ADAMTSL2: variants seen among roughly 807,000 people sequenced by gnomAD.
ADAMTSL2 encodes the protein ADAMTS like 2, also known as ADAMTS-like protein 2.
Under a neutral mutation model 117.0 loss-of-function variants are expected in ADAMTSL2, and 55 were observed. That is an observed-to-expected ratio of 0.47 (90% CI 0.38 to 0.59). The LOEUF (loss-of-function observed/expected upper bound fraction) is 0.59, where lower values mean the gene tolerates loss of function less well. Among genes scored for constraint, ADAMTSL2 ranks in the 20% least tolerant of loss-of-function variants. The pLI, the probability that ADAMTSL2 is intolerant of heterozygous loss-of-function variation, is 0.00. For synonymous variants in ADAMTSL2, 572 were observed against 566.4 expected (o/e 1.01, Z -0.14); for missense variants, 1,182 against 1,354.5 (o/e 0.87, Z 2.00).
intron 6 of ADAMTSL2, 54 bp from the exon 7 acceptor site, chr9:133,540,824 C>A: frequency 6.2e-7 from 1 of 1,613,120 alleles, no homozygotes; most frequent in East Asian, 2.2e-5. Flanking sequence ...GTGGCGGCCC[C>A]GGGGCCTGGC....
intron 13 of ADAMTSL2, among the ~76,000 whole-genome samples, chr9:133,567,676 T>C (rs1340917990): frequency 6.6e-6 from 1 of 152,242 alleles, no homozygotes; most frequent in Non-Finnish European, 1.5e-5. Context: ...GGCCTCCCAC[T>C]TCCTGCACGT....
At chr9:133,567,172 G>A in intron 13 of ADAMTSL2, 110 bp downstream of exon 13, 1 of 1,371,692 alleles carries the variant, frequency 7.3e-7, no homozygotes, top group African/African-American at 1.4e-5. Flanking sequence ...TTCGTGTGCA[G>A]GGCCGTGGGG....
chr9:133,538,477 C>T (rs2131093274), intron 4 of ADAMTSL2, 53 bp downstream of exon 4: 2 of 1,598,300 alleles, frequency 1.3e-6, no homozygotes, highest in South Asian at 1.1e-5. Flanking sequence ...TGTCATCATG[C>T]AGTTTTCAGG....
intron 10 of ADAMTSL2, among the ~76,000 whole-genome samples, chr9:133,555,237 A>G (rs1461642244): frequency 6.7e-6 from 1 of 149,480 alleles, no homozygotes; most frequent in African/African-American, 2.5e-5. Flanking sequence ...CAAGATTCTT[A>G]ACTAATTATA....
At chr9:133,569,661 AC>A in intron 16 of ADAMTSL2, 83 bp downstream of exon 16, 1 of 1,363,616 alleles carries the variant, frequency 7.3e-7, no homozygotes, top group Non-Finnish European at 1.0e-6. Flanking sequence ...GGCTGGGACC[AC>A]AGATGGGTGA....
chr9:133,534,145 C>G (rs982577530), upstream of ADAMTSL2, among the ~76,000 whole-genome samples: 2 of 152,240 alleles, frequency 1.3e-5, no homozygotes, highest in Admixed American at 6.5e-5. Context: ...AGGCCACGGG[C>G]ACATCTGTCT....
chr9:133,551,833 T>A (rs1408792717), intron 9 of ADAMTSL2, among the ~76,000 whole-genome samples: 83 of 147,730 alleles, frequency 5.6e-4, no homozygotes, highest in African/African-American at 2.0e-3. Context: ...TTTTTTTTTT[T>A]TTTTTGTTAT....
chr9:133,573,865 G>A lies in ADAMTSL2; in HGVS notation c.2615G>A (p.Gly872Asp). The change falls in exon 18 of 19, where the codon GGC (glycine) becomes GAC (aspartate). Residue 872 changes from glycine (G) to aspartate (D), a missense_variant. Transcript: ENST00000651351. ...WSECTKTCGV[G>D]VRMRDVKCYQ... The stretch of plus-strand genomic sequence containing the variant: ...CAGTGCACCAAGACCTGCGGGGTGG[G>A]CGTGAGGATGCGAGACGTCAAGTGC... The A allele has an allele frequency of 3.7e-6, 6 of 1,614,110 alleles. No individual in the cohort carries two copies. The highest frequency in any genetic ancestry group is 1.1e-5 in the South Asian group (1 of 91,084).
intron 12 of ADAMTSL2, among the ~76,000 whole-genome samples, chr9:133,564,627 A>G (rs1377937871): frequency 5.6e-5 from 3 of 53,986 alleles, no homozygotes; most frequent in Non-Finnish European, 8.1e-5. Flanking sequence ...AGAGAGAGGG[A>G]GAGAGAGAGA....
intron 12 of ADAMTSL2, among the ~76,000 whole-genome samples, chr9:133,563,691 GC>G (rs1197015340): frequency 6.6e-6 from 1 of 151,974 alleles, no homozygotes; most frequent in Non-Finnish European, 1.5e-5. Context: ...GTGCAGTGGG[GC>G]AAAGGACAAC....
Position 133,554,720 on chromosome 9 carries a change from G to A in ADAMTSL2, c.1276+27G>A. 6.8e-7 allele frequency: 1 copy of A among 1,462,710 alleles called. No homozygotes were observed. Among genetic ancestry groups the A allele is most frequent in the South Asian group, 1.4e-5 (1 of 70,426 alleles). 90.6% of individuals were successfully genotyped at this position (1,462,710 alleles called of 1,614,324 possible). ...TAACCAGGAGGAGGGAGGCATGAGG[G>A]TGGGGCCCGGGAGGCAGCCCAGGGA... is the stretch of plus-strand genomic sequence containing the variant. On this transcript the variant is annotated intron_variant, in intron 10 of 18. Transcript: ENST00000651351. This position sits in a 1 kb window ranked among gnomAD's most constrained non-coding sequence, Gnocchi z 5.2.
chr9:133,561,390 C>T (rs1180435084), intron 12 of ADAMTSL2, 95 bp downstream of exon 12: 4 of 1,129,826 alleles, frequency 3.5e-6, no homozygotes, highest in Non-Finnish European at 5.2e-6. Context: ...AGCTTGCAGC[C>T]CCCAAACTGC....
chr9:133,566,164 T>G, intron 12 of ADAMTSL2, among the ~76,000 whole-genome samples: 1 of 152,154 alleles, frequency 6.6e-6, no homozygotes, highest in Non-Finnish European at 1.5e-5. Flanking sequence ...AGTTCAGGCC[T>G]GGCGCGGTGG....
rs754413496 is a variant in ADAMTSL2 at position 133,539,784 on chromosome 9, A to G, written c.323A>G (p.Asp108Gly). 27 of 1,492,336 alleles carry G rather than the reference A, an allele frequency of 1.8e-5. No individual in the cohort carries two copies. In the East Asian group the frequency reaches 2.7e-4, roughly 15 times the overall value. The allele number at this position is 1,492,336 out of a possible 1,614,324, so 92.4% of individuals were successfully genotyped here. Residue 108 changes from aspartate to glycine, a missense_variant, in exon 5 of 19, where the codon GAC becomes GGC. Transcript: ENST00000651351. ...QLCRVQECPP[D>G]GRSFREEQCV... ...TTCGCTTCCCAGGAGTGTCCGCCGG[A>G]CGGGAGGAGCTTCCGCGAGGAGCAG...
chr9:133,538,973 C>T (rs531088334), intron 4 of ADAMTSL2, among the ~76,000 whole-genome samples: 1 of 152,340 alleles, frequency 6.6e-6, no homozygotes, highest in South Asian at 2.1e-4. Flanking sequence ...CCAAGGACTG[C>T]AGGGCGTGAG....
At position 133,554,445 on chromosome 9, in the gene ADAMTSL2, A is replaced by T; in HGVS notation, c.1028A>T (p.Tyr343Phe). The T allele has an allele frequency of 6.4e-7, 1 of 1,561,960 alleles. No homozygotes were observed. The highest frequency in any genetic ancestry group is 8.7e-7 in the Non-Finnish European group (1 of 1,153,444). The change falls in exon 10 of 19, where the codon TAC becomes TTC. Residue 343 changes from tyrosine (Y) to phenylalanine (F), a missense_variant. Tyr to Phe is a conservative substitution (Grantham distance 22, BLOSUM62 3). Transcript: ENST00000651351. This position sits in a 1 kb window ranked among gnomAD's most constrained non-coding sequence, Gnocchi z 5.2. ...CACGAGAGCCGCCCCCAGCCCATCTACTATGGCTTCTCCGAGAGCGCTGAG... is the reference window on the plus strand; with the variant it reads ...CACGAGAGCCGCCCCCAGCCCATCTTCTATGGCTTCTCCGAGAGCGCTGAG... ...PPHESRPQPI[Y>F]YGFSESAESQ...
chr9:133,533,452 C>T (rs1029519495), upstream of ADAMTSL2, among the ~76,000 whole-genome samples: 5 of 152,326 alleles, frequency 3.3e-5, no homozygotes, highest in East Asian at 9.7e-4. Flanking sequence ...GCTGGCATCC[C>T]AGCCTTGCCT....
intron 12 of ADAMTSL2, among the ~76,000 whole-genome samples, chr9:133,561,928 G>A (rs1038428578): frequency 1.3e-5 from 2 of 152,204 alleles, no homozygotes; most frequent in Non-Finnish European, 1.5e-5. Flanking sequence ...ACCCTCCCCT[G>A]GGGGATGCCG....
chr9:133,544,420 A>T, intron 7 of ADAMTSL2, 50 bp from the exon 8 acceptor site: 1 of 1,500,396 alleles, frequency 6.7e-7, no homozygotes, highest in Admixed American at 1.7e-5. Flanking sequence ...GTGCCACCCA[A>T]GGCTGCCTTT....
Sources: gnomAD v4.1 joint callset for allele counts (sites outside exome capture counted in the v4.1 genomes callset) on GRCh38, gnomAD v4.1.1 for gene constraint, Gnocchi (gnomAD v3.1) non-coding constraint, MANE v1.5 for transcripts, NCBI Gene and HGNC (gene_info 2026-07-23, HGNC 2026-07-21) for gene names.